The following BRSK2 variants were observed in gnomAD, a reference collection of about 807,000 sequenced individuals.
BRSK2 encodes BR serine/threonine kinase 2, also known as serine/threonine-protein kinase BRSK2.
Under a neutral mutation model 83.3 loss-of-function variants are expected in BRSK2, and 19 were observed. The ratio of observed to expected loss-of-function variants is 0.23; its 90% CI spans 0.16 to 0.33. BRSK2 has a LOEUF of 0.33. Among genes scored for constraint, BRSK2 ranks in the 10% least tolerant of loss-of-function variants. BRSK2 has a pLI of 1.00. For synonymous variants in BRSK2, 519 were observed against 435.4 expected (o/e 1.19, Z -2.39); for missense variants, 798 against 1,042.3 (o/e 0.77, Z 3.23).
chr11:1,459,360 C>T, intron 19 of BRSK2, 121 bp downstream of exon 19: 1 of 1,087,720 alleles, frequency 9.2e-7, no homozygotes, highest in South Asian at 1.3e-5. Context: ...ATGTAGGCAC[C>T]CAGCAGCCCA....
At chr11:1,392,508 C>T (rs1025276094) in intron 1 of BRSK2, among the ~76,000 whole-genome samples, 3 of 152,208 alleles carry the variant, frequency 2.0e-5, no homozygotes, top group Non-Finnish European at 4.4e-5. Flanking sequence ...AGCTGCTCGA[C>T]TTGAGGTGGC....
chr11:1,426,682 C>T (rs1849269076), intron 1 of BRSK2, among the ~76,000 whole-genome samples: 1 of 152,088 alleles, frequency 6.6e-6, no homozygotes, highest in Admixed American at 6.5e-5. Flanking sequence ...TGTGAGGTGT[C>T]CTCCCTCCAG....
chr11:1,442,861 C>A (rs1265824225), intron 5 of BRSK2, among the ~76,000 whole-genome samples: 4 of 152,108 alleles, frequency 2.6e-5, no homozygotes, highest in African/African-American at 4.8e-5. Context: ...CACTTACATG[C>A]CCCTCTCCTG....
chr11:1,428,941 G>A (rs117642136), intron 1 of BRSK2, among the ~76,000 whole-genome samples: 3,594 of 151,300 alleles, frequency 0.024, 57 homozygotes, highest in Non-Finnish European at 0.033. Context: ...TACTGGGTGC[G>A]TGTGTGTGCA....
chr11:1,422,689 T>C (rs948792507), intron 1 of BRSK2, among the ~76,000 whole-genome samples: 1 of 152,104 alleles, frequency 6.6e-6, no homozygotes, highest in African/African-American at 2.4e-5. Flanking sequence ...CTGGAAGAGC[T>C]CTGGCGACCC....
intron 1 of BRSK2, among the ~76,000 whole-genome samples, chr11:1,421,897 C>A (rs1848662345): frequency 1.3e-5 from 2 of 151,744 alleles, no homozygotes; most frequent in South Asian, 4.1e-4. Context: ...GCCGGCCCAG[C>A]ACCGGGGTCT....
rs185698252 is a variant in BRSK2 at position 1,414,359 on chromosome 11, G to A, written c.92-21681G>A. Among the ~76,000 whole-genome samples the A allele has an allele frequency of 1.6e-4, 25 of 152,312 alleles. No homozygotes were observed. In the East Asian group the frequency reaches 4.3e-3, roughly 26 times the overall value. On this transcript the variant is annotated intron_variant, in intron 1 of 19. Transcript: ENST00000528841. ...ATGCCACTGCCCCACAGTGTGCTCC[G>A]GGGATCTCAGGGCGCTAGGAACTTC...
intron 18 of BRSK2, among the ~76,000 whole-genome samples, chr11:1,457,378 G>C (rs1055517117): frequency 6.6e-6 from 1 of 152,204 alleles, no homozygotes; most frequent in African/African-American, 2.4e-5. Context: ...CAGCCAGAGC[G>C]GGGGCTTCAC....
chr11:1,417,930 A>T (rs12792212), intron 1 of BRSK2, among the ~76,000 whole-genome samples: 280 of 74,464 alleles, frequency 3.8e-3, no homozygotes, highest in Middle Eastern at 0.014. Flanking sequence ...TTCTGTTGGC[A>T]GTTTCTTCTC....
intron 1 of BRSK2, among the ~76,000 whole-genome samples, chr11:1,407,068 A>G (rs1024257705): frequency 7.9e-5 from 12 of 152,218 alleles, no homozygotes; most frequent in African/African-American, 2.9e-4. Flanking sequence ...GGGGGTCCCA[A>G]CGTCACCACA....
intron 1 of BRSK2, among the ~76,000 whole-genome samples, chr11:1,415,341 G>A (rs545122074): frequency 3.8e-4 from 58 of 152,242 alleles, no homozygotes; most frequent in African/African-American, 1.2e-3. Flanking sequence ...TGATCCGCCC[G>A]TCTGGGCCTC....
intron 15 of BRSK2, among the ~76,000 whole-genome samples, chr11:1,452,296 C>T (rs933539143): frequency 2.0e-5 from 3 of 152,202 alleles, no homozygotes; most frequent in African/African-American, 4.8e-5. Flanking sequence ...GGCCTTTCTG[C>T]GCCGATCAGG....
At chr11:1,435,968 C>A in intron 1 of BRSK2, 72 bp from the exon 2 acceptor site, 1 of 1,204,744 alleles carries the variant, frequency 8.3e-7, no homozygotes, top group Non-Finnish European at 1.2e-6. Context: ...GGCCCCCAAC[C>A]TGCACTGTCC....
At chr11:1,406,372 T>A (rs1468954127) in intron 1 of BRSK2, among the ~76,000 whole-genome samples, 1 of 152,150 alleles carries the variant, frequency 6.6e-6, no homozygotes, top group Non-Finnish European at 1.5e-5. Flanking sequence ...CTGGGGAGGC[T>A]GAGGCGGGAG....
chr11:1,456,013 C>T (rs1214089833), intron 16 of BRSK2, among the ~76,000 whole-genome samples: 2 of 152,164 alleles, frequency 1.3e-5, no homozygotes, highest in Non-Finnish European at 2.9e-5. Context: ...TGGACCCCCA[C>T]CTCAGGCTGC....
intron 2 of BRSK2, among the ~76,000 whole-genome samples, chr11:1,436,868 T>G (rs1590521482): frequency 6.6e-6 from 1 of 150,874 alleles, no homozygotes; most frequent in African/African-American, 2.4e-5. Context: ...CCAGTGGGAG[T>G]GGCCAAGAGA....
rs548462359 is a variant in BRSK2, at chr11:1,396,172, C to T, written c.91+5797C>T. Among the ~76,000 whole-genome samples the T allele has an allele frequency of 8.6e-4, 130 of 151,254 alleles. 1 individual carries two copies. The highest frequency in any genetic ancestry group is 2.8e-3 in the African/African-American group (117 of 41,122). On this transcript the variant is annotated intron_variant, in intron 1 of 19. Transcript: ENST00000528841. ...CAGGTGTGTGTGGACCCCTGCGTCC[C>T]CCGCTCCTCGTCTCTCTTCCCTTCC...
At chr11:1,457,142 C>T (rs1846680892) in intron 18 of BRSK2, 3 of 1,168,638 alleles carry the variant, frequency 2.6e-6, no homozygotes, top group African/African-American at 3.1e-5. Flanking sequence ...TCCATGCCCA[C>T]CCACAGGTCT....
chr11:1,428,555 C>T (rs1038835556), intron 1 of BRSK2, among the ~76,000 whole-genome samples: 42 of 152,326 alleles, frequency 2.8e-4, no homozygotes, highest in African/African-American at 9.1e-4. Context: ...ACTTGGCTGT[C>T]CTGATTTGTG....
Sources: gnomAD v4.1 joint callset for allele counts (sites outside exome capture counted in the v4.1 genomes callset) on GRCh38, gnomAD v4.1.1 for gene constraint, MANE v1.5 for transcripts, NCBI Gene and HGNC (gene_info 2026-07-23, HGNC 2026-07-21) for gene names.